CPNE4: variants seen among roughly 807,000 people sequenced by gnomAD.
CPNE4 encodes copine 4.
In CPNE4, 25 loss-of-function variants were observed where a neutral mutation model predicts 67.9. That is an observed-to-expected ratio of 0.37 (90% CI 0.27 to 0.51). The LOEUF (loss-of-function observed/expected upper bound fraction) is 0.51. CPNE4 is among the 20% of genes least tolerant of loss of function. The probability of loss-of-function intolerance (pLI) is 0.93; values close to 1 mark genes in which losing one functional copy is unlikely to be tolerated. For synonymous variants in CPNE4, 242 were observed against 244.9 expected, an observed-to-expected ratio of 0.99 and a Z score of 0.11; for missense variants, 464 against 690.8, an observed-to-expected ratio of 0.67 and a Z score of 3.68.
chr3:131,865,421 T>G (rs1338343558), intron 2 of CPNE4, among the ~76,000 whole-genome samples: 2 of 151,892 alleles, frequency 1.3e-5, no homozygotes, highest in Admixed American at 1.3e-4. Context: ...CTACTTTTTG[T>G]GGTAAACACC....
intron 1 of CPNE4, among the ~76,000 whole-genome samples, chr3:131,936,377 G>T (rs534847012): frequency 6.6e-6 from 1 of 152,134 alleles, no homozygotes; most frequent in Non-Finnish European, 1.5e-5. Flanking sequence ...TGGGGGTGGG[G>T]TGGGCAGAGC....
intron 7 of CPNE4, among the ~76,000 whole-genome samples, chr3:131,659,802 A>G (rs1033326213): frequency 1.3e-5 from 2 of 152,122 alleles, no homozygotes; most frequent in African/African-American, 4.8e-5. Context: ...GAGCTGCCAT[A>G]CCCTCATCCC....
chr3:132,010,173 A>C (rs1289233645), intron 1 of CPNE4, among the ~76,000 whole-genome samples: 1 of 152,196 alleles, frequency 6.6e-6, no homozygotes, highest in Non-Finnish European at 1.5e-5. Context: ...CAGATTGCCT[A>C]ACTTCAGTGA....
At chr3:131,801,430 G>GTA (rs1352102944) in intron 2 of CPNE4, among the ~76,000 whole-genome samples, 7 of 85,428 alleles carry the variant, frequency 8.2e-5, no homozygotes, top group African/African-American at 2.9e-4. Context: ...GTGTGTGTGT[G>GTA]TGTGTGTGTG....
At chr3:131,776,242 T>C (rs985563307) in intron 2 of CPNE4, among the ~76,000 whole-genome samples, 4 of 99,474 alleles carry the variant, frequency 4.0e-5, no homozygotes, top group South Asian at 3.2e-4. Context: ...ATATTTGTTA[T>C]GGACCTGATG....
At chr3:131,984,328 TTAAAAG>T (rs2107640899) in intron 1 of CPNE4, among the ~76,000 whole-genome samples, 1 of 152,326 alleles carries the variant, frequency 6.6e-6, no homozygotes, top group Admixed American at 6.5e-5. Flanking sequence ...TTTCCCATTA[TTAAAAG>T]TAAAACTGCA....
chr3:132,011,820 C>G (rs1017815679), intron 1 of CPNE4, among the ~76,000 whole-genome samples: 19 of 152,196 alleles, frequency 1.2e-4, no homozygotes, highest in African/African-American at 4.6e-4. Flanking sequence ...CAAAAGTGTT[C>G]CAGTTAACAC....
intron 1 of CPNE4, among the ~76,000 whole-genome samples, chr3:131,978,492 ATATT>A (rs1438719993): frequency 5.5e-5 from 4 of 72,150 alleles, no homozygotes; most frequent in African/African-American, 2.8e-4. Flanking sequence ...ATATTTATAT[ATATT>A]TATATATTTA....
At chr3:131,686,478 G>A (rs1420861995) in intron 5 of CPNE4, among the ~76,000 whole-genome samples, 1 of 152,174 alleles carries the variant, frequency 6.6e-6, no homozygotes, top group East Asian at 1.9e-4. Context: ...TGAAGATTAT[G>A]AAGGTTTTTA....
rs918810923 is a variant in CPNE4 at position 132,022,305 on chromosome 3, T to C, written c.-2+12262A>G. 7.9e-5 allele frequency among the ~76,000 whole-genome samples: 12 copies of C among 152,302 alleles called. 1 individual carries two copies. The highest frequency in any genetic ancestry group is 2.9e-4 in the African/African-American group (12 of 41,580). On this transcript the variant is annotated intron_variant, in intron 1 of 15. Transcript: ENST00000429747. ...TCTGTGAAACCAACAGGGTTCATCA[T>C]TCAGAGTGAGAATATGCATTGTTCC...
intron 1 of CPNE4, among the ~76,000 whole-genome samples, chr3:131,963,933 A>T (rs146865965): frequency 1.6e-4 from 24 of 152,214 alleles, no homozygotes; most frequent in Non-Finnish European, 2.6e-4. Context: ...TTACTAGGAG[A>T]TATCTCCTAG....
intron 1 of CPNE4, among the ~76,000 whole-genome samples, chr3:131,927,498 C>T (rs1400735322): frequency 6.6e-6 from 1 of 152,090 alleles, no homozygotes; most frequent in Non-Finnish European, 1.5e-5. Flanking sequence ...CATGTCATTG[C>T]AGAGTTATTT....
chr3:131,624,054 T>C (rs1242531060), intron 7 of CPNE4, among the ~76,000 whole-genome samples: 3 of 152,140 alleles, frequency 2.0e-5, no homozygotes, highest in Admixed American at 2.0e-4. Flanking sequence ...CCATCCTCCT[T>C]AGTTTTGGGT....
At chr3:131,908,076 A>AT in intron 1 of CPNE4, among the ~76,000 whole-genome samples, 1 of 152,260 alleles carries the variant, frequency 6.6e-6, no homozygotes, top group Middle Eastern at 3.4e-3. Context: ...GCCCAAAGCT[A>AT]TTTTTACCAC....
chr3:131,956,719 T>C (rs1409453476), intron 1 of CPNE4, among the ~76,000 whole-genome samples: 2 of 152,194 alleles, frequency 1.3e-5, no homozygotes, highest in African/African-American at 2.4e-5. Flanking sequence ...GGTTTCCTCA[T>C]AGCCAATGAA....
chr3:131,859,245 A>C (rs1264879944), intron 2 of CPNE4, among the ~76,000 whole-genome samples: 3 of 152,036 alleles, frequency 2.0e-5, no homozygotes, highest in African/African-American at 7.2e-5. Context: ...TTTATTTCTA[A>C]AATATGAGAA....
chr3:131,742,881 T>C (rs2082390879), intron 2 of CPNE4, among the ~76,000 whole-genome samples: 2 of 152,270 alleles, frequency 1.3e-5, no homozygotes, highest in South Asian at 4.1e-4. Flanking sequence ...GGGAAAAGTA[T>C]AGCCTTAAAT....
intron 2 of CPNE4, among the ~76,000 whole-genome samples, chr3:131,764,413 T>C (rs2082959869): frequency 6.6e-6 from 1 of 152,164 alleles, no homozygotes. Flanking sequence ...CTCTTAGTTC[T>C]AATTATTGTT....
chr3:131,849,054 C>T (rs776146533), intron 2 of CPNE4, among the ~76,000 whole-genome samples: 2 of 150,410 alleles, frequency 1.3e-5, no homozygotes, highest in Non-Finnish European at 3.0e-5. Context: ...AATACATTTC[C>T]TCAGGGAACC....
Sources: gnomAD v4.1 joint callset for allele counts (sites outside exome capture counted in the v4.1 genomes callset) on GRCh38, gnomAD v4.1.1 for gene constraint, MANE v1.5 for transcripts, NCBI Gene and HGNC (gene_info 2026-07-23, HGNC 2026-07-21) for gene names.